Variants in SHLD2 observed in about 807,000 individuals in gnomAD.
SHLD2 encodes the protein RINN1-REV7-interacting novel NHEJ regulator 2.
A neutral mutation model predicts 73.2 loss-of-function variants in SHLD2; 30 were observed. The observed-to-expected ratio is 0.41, with a 90% confidence interval of 0.31 to 0.56. The LOEUF (loss-of-function observed/expected upper bound fraction) is 0.56, where lower values mean the gene tolerates loss of function less well. SHLD2 is among the 20% of genes least tolerant of loss of function. SHLD2 has a pLI of 0.28. For synonymous variants in SHLD2, 285 were observed against 370.1 expected (o/e 0.77, Z 2.64); for missense variants, 745 against 1,055.9 (o/e 0.71, Z 4.08).
chr10:87,140,816 A>G (rs1404948830), intron 2 of SHLD2, among the ~76,000 whole-genome samples: 2 of 152,028 alleles, frequency 1.3e-5, no homozygotes, highest in African/African-American at 4.8e-5. Flanking sequence ...AAAAAATAGA[A>G]ATATAAAAAG....
At chr10:87,111,882 A>G (rs1165869354) in intron 2 of SHLD2, among the ~76,000 whole-genome samples, 2 of 152,140 alleles carry the variant, frequency 1.3e-5, no homozygotes, top group Admixed American at 6.5e-5. Flanking sequence ...TTAAGGGTCT[A>G]GTATTTAGAA....
intron 2 of SHLD2, among the ~76,000 whole-genome samples, chr10:87,136,098 T>A (rs915941755): frequency 6.6e-6 from 1 of 151,936 alleles, no homozygotes; most frequent in Non-Finnish European, 1.5e-5. Flanking sequence ...ATTTATCCAT[T>A]CAATTTTTTA....
chr10:87,153,899 T>A (rs966558666), intron 3 of SHLD2: 11 of 152,316 alleles, frequency 7.2e-5, no homozygotes, highest in Non-Finnish European at 1.3e-4. Context: ...TTTGTTTTTT[T>A]AATTTTTAAT....
chr10:87,147,011 G>C (rs1428283496), intron 2 of SHLD2, among the ~76,000 whole-genome samples: 14 of 144,540 alleles, frequency 9.7e-5, no homozygotes, highest in Non-Finnish European at 1.5e-4. Flanking sequence ...AGCTGAGATC[G>C]TGCCATTGCA....
At chr10:87,129,135 G>A (rs1461159689) in intron 2 of SHLD2, among the ~76,000 whole-genome samples, 1 of 152,148 alleles carries the variant, frequency 6.6e-6, no homozygotes, top group African/African-American at 2.4e-5. Context: ...CTGTTGCCCA[G>A]GCTGGAGTGC....
chr10:87,104,243 G>GAA (rs200425745), intron 2 of SHLD2, among the ~76,000 whole-genome samples: 1 of 124,182 alleles, frequency 8.1e-6, no homozygotes, highest in South Asian at 2.6e-4. Context: ...TCTCAAAAAA[G>GAA]AAAAAAAAAA....
At chr10:87,140,563 AAAG>A (rs1293108680) in intron 2 of SHLD2, among the ~76,000 whole-genome samples, 2 of 151,878 alleles carry the variant, frequency 1.3e-5, no homozygotes, top group African/African-American at 4.8e-5. Context: ...TTTCCTTAAA[AAAG>A]AAAAAGAAAC....
chr10:87,136,629 G>T (rs1215143747), intron 2 of SHLD2, among the ~76,000 whole-genome samples: 2 of 151,664 alleles, frequency 1.3e-5, no homozygotes, highest in Non-Finnish European at 2.9e-5. Flanking sequence ...TGATGTATTC[G>T]GTTCCAGTTG....
chr10:87,146,494 A>G (rs1284876750), intron 2 of SHLD2, among the ~76,000 whole-genome samples: 1 of 151,750 alleles, frequency 6.6e-6, no homozygotes. Context: ...GGGTTTTACC[A>G]TGTTGGGCAG....
At chr10:87,121,371 AGCCTCG>A (rs1324104960) in intron 2 of SHLD2, among the ~76,000 whole-genome samples, 6 of 152,150 alleles carry the variant, frequency 3.9e-5, no homozygotes, top group African/African-American at 1.4e-4. Flanking sequence ...GTGATCCACC[AGCCTCG>A]GCCTCACAGT....
chr10:87,134,641 TA>T (rs1377480187), intron 2 of SHLD2, among the ~76,000 whole-genome samples: 1 of 152,166 alleles, frequency 6.6e-6, no homozygotes, highest in African/African-American at 2.4e-5. Context: ...CTCCCAGGTA[TA>T]GGGCAACCAC....
rs1282865950 is a variant in SHLD2, at chr10:87,095,953, G to A, written c.-62+705G>A. ...CTCCCTCTGAAATAGTCTAAAATAA[G>A]GAAACTAGAAATGCGATAATGCCCC... On this transcript the variant is annotated intron_variant, in intron 1 of 9. Transcript: ENST00000298786. Among the ~76,000 whole-genome samples the A allele has an allele frequency of 8.5e-5, 13 of 152,264 alleles. No individual in the cohort carries two copies. In the South Asian group the frequency reaches 1.2e-3, roughly 15 times the overall value.
rs979514185 is a variant in SHLD2 at position 87,191,399 on chromosome 10, A to C, written c.*716A>C. 1.3e-5 allele frequency: 2 copies of C among 153,620 alleles called. No individual in the cohort carries two copies. Among genetic ancestry groups the C allele is most frequent in the Non-Finnish European group, 2.9e-5 (2 of 68,984 alleles). 9.5% of individuals were successfully genotyped at this position (153,620 alleles called of 1,614,324 possible). On this transcript the variant is annotated 3_prime_UTR_variant, in exon 10 of 10. Coordinates refer to ENST00000298786, the MANE Select transcript of SHLD2 (RefSeq NM_001330112.2). ...AGTATGGCGTGGTACTTATTCTGTA[A>C]GTTCAGAGTATGCTGAGTGTTAATA...
At chr10:87,166,981 GTA>G (rs886841696) in intron 4 of SHLD2, among the ~76,000 whole-genome samples, 1 of 147,978 alleles carries the variant, frequency 6.8e-6, no homozygotes, top group African/African-American at 2.5e-5. Flanking sequence ...GTGTGTGTGT[GTA>G]TAAATGATAG....
chr10:87,164,802 T>C (rs1018211338), intron 4 of SHLD2, among the ~76,000 whole-genome samples: 5 of 152,148 alleles, frequency 3.3e-5, no homozygotes, highest in African/African-American at 7.2e-5. Context: ...CATAAAGATA[T>C]ATGTATTTCA....
chr10:87,138,697 G>A (rs1009415090), intron 2 of SHLD2, among the ~76,000 whole-genome samples: 1 of 152,180 alleles, frequency 6.6e-6, no homozygotes, highest in African/African-American at 2.4e-5. Flanking sequence ...CACAAACAGG[G>A]ATACCATAAA....
chr10:87,141,334 G>A (rs1004909220), intron 2 of SHLD2, among the ~76,000 whole-genome samples: 2 of 139,996 alleles, frequency 1.4e-5, no homozygotes, highest in Non-Finnish European at 3.0e-5. Context: ...TCTGGTGTTC[G>A]GTGTTTTTTT....
intron 2 of SHLD2, among the ~76,000 whole-genome samples, chr10:87,129,345 C>A (rs1844266296): frequency 6.6e-6 from 1 of 152,194 alleles, no homozygotes; most frequent in Admixed American, 6.5e-5. Context: ...CTCACTTCGG[C>A]CTCCCAAAGT....
chr10:87,157,743 A>G (rs1429495896), intron 3 of SHLD2, among the ~76,000 whole-genome samples: 2 of 152,248 alleles, frequency 1.3e-5, no homozygotes, highest in Admixed American at 1.3e-4. Flanking sequence ...TTTTTAATGT[A>G]TCAGAAATAT....
Sources: gnomAD v4.1 joint callset for allele counts (sites outside exome capture counted in the v4.1 genomes callset) on GRCh38, gnomAD v4.1.1 for gene constraint, MANE v1.5 for transcripts, NCBI Gene and HGNC (gene_info 2026-07-23, HGNC 2026-07-21) for gene names.